ARIH2: variants seen among roughly 807,000 people sequenced by gnomAD.
ARIH2 encodes E3 ubiquitin-protein ligase ARIH2.
In ARIH2, 12 loss-of-function variants were observed where a neutral mutation model predicts 79.8. The ratio of observed to expected loss-of-function variants is 0.15; its 90% confidence interval spans 0.10 to 0.24. The LOEUF (loss-of-function observed/expected upper bound fraction) is 0.24, where lower values mean the gene tolerates loss of function less well. Ranked by LOEUF, ARIH2 falls within the 10% of genes least tolerant of loss-of-function variation. The probability of loss-of-function intolerance (pLI) is 1.00; values close to 1 mark genes in which losing one functional copy is unlikely to be tolerated. For synonymous variants in ARIH2, 224 were observed against 213.9 expected, an observed-to-expected ratio of 1.05 and a Z score of -0.41; for missense variants, 301 against 618.3, an observed-to-expected ratio of 0.49 and a Z score of 5.44.
chr3:48,922,709 C>G (rs1259985132), intron 1 of ARIH2, 39 bp from the exon 2 acceptor site: 2 of 151,882 alleles, frequency 1.3e-5, no homozygotes, highest in Non-Finnish European at 2.9e-5. Context: ...AAGCAGTATA[C>G]CAGCTTTAAA....
chr3:48,927,526 C>T lies in ARIH2; in HGVS notation c.-33C>T. 1 of 1,603,736 alleles carries T rather than the reference C, an allele frequency of 6.2e-7. No homozygotes were observed. Among genetic ancestry groups the T allele is most frequent in the Non-Finnish European group, 8.5e-7 (1 of 1,175,456 alleles). Reference sequence around the variant, plus strand: ...TGGGGGGAGGGGGAAAAAGCAACTGCTTTCCTGATCTGCAACTTGGCTGGA... The same window carrying T: ...TGGGGGGAGGGGGAAAAAGCAACTGTTTTCCTGATCTGCAACTTGGCTGGA... On this transcript the variant is annotated 5_prime_UTR_variant, in exon 3 of 16. Transcript: ENST00000356401.
In ARIH2 at chr3:48,935,165, G is replaced by A. The variant is rs139101337; in HGVS notation, c.255+7352G>A. 2.0e-5 allele frequency among the ~76,000 whole-genome samples: 3 copies of A among 152,082 alleles called. No individual in the cohort carries two copies. In the East Asian group the frequency reaches 5.8e-4, roughly 29 times the overall value. On this transcript the variant is annotated intron_variant, in intron 3 of 15. Transcript: ENST00000356401. Reference sequence around the variant, plus strand: ...TCAGTATTTCATTCAACCAATATTGGGTATTTATTGAGAACCTACTACGCC... The same window carrying A: ...TCAGTATTTCATTCAACCAATATTGAGTATTTATTGAGAACCTACTACGCC...
intron 7 of ARIH2, among the ~76,000 whole-genome samples, chr3:48,970,202 T>C (rs1241400022): frequency 2.0e-5 from 3 of 152,154 alleles, no homozygotes; most frequent in Admixed American, 1.3e-4. Flanking sequence ...TTGTTATTTT[T>C]TATTTTTTTC....
chr3:48,967,279 A>G lies in ARIH2; in HGVS notation c.538+4A>G. 1 of 1,613,028 alleles carries G rather than the reference A, an allele frequency of 6.2e-7. No homozygotes were observed. Among genetic ancestry groups the G allele is most frequent in the Non-Finnish European group, 8.5e-7 (1 of 1,179,412 alleles). ...GTCAAGGACGGCGTGGGCGTGGGTGAGTCTGCCACAAAACTTATAAAAAGC... is the reference window on the plus strand; with the variant it reads ...GTCAAGGACGGCGTGGGCGTGGGTGGGTCTGCCACAAAACTTATAAAAAGC... On this transcript the variant is annotated splice_donor_region_variant and intron_variant, in intron 6 of 15. Coordinates refer to ENST00000356401, the MANE Select transcript of ARIH2 (RefSeq NM_006321.4).
At chr3:48,932,662 G>A (rs759904757) in intron 3 of ARIH2, among the ~76,000 whole-genome samples, 2 of 152,184 alleles carry the variant, frequency 1.3e-5, no homozygotes, top group Non-Finnish European at 2.9e-5. Context: ...TCATGACTGT[G>A]GAGCTGGCTT....
intron 3 of ARIH2, among the ~76,000 whole-genome samples, chr3:48,944,800 C>T: frequency 6.6e-6 from 1 of 152,142 alleles, no homozygotes; most frequent in East Asian, 1.9e-4. Context: ...CTTCTTTCTT[C>T]CTCTTGTCCC....
At chr3:48,919,559 C>G (rs1211610694) in intron 1 of ARIH2, among the ~76,000 whole-genome samples, 1 of 152,226 alleles carries the variant, frequency 6.6e-6, no homozygotes, top group East Asian at 1.9e-4. Context: ...ATAGAACTTT[C>G]TGTCATAGCG....
chr3:48,919,117 G>A (rs781595161), intron 1 of ARIH2, 119 bp downstream of exon 1: 1 of 1,285,588 alleles, frequency 7.8e-7, no homozygotes, highest in Admixed American at 3.8e-5. Context: ...GGAGGCCCGG[G>A]CGCTCCCCGT....
rs202008851 is a variant in ARIH2 at position 48,954,644 on chromosome 3, A to AG, written c.256-6965dup. Among the ~76,000 whole-genome samples the AG allele has an allele frequency of 5.7e-3, 870 of 152,210 alleles. 3 individuals carry two copies. The highest frequency in any genetic ancestry group is 8.5e-3 in the Non-Finnish European group (581 of 68,010). ...ACTGTCAAAGAGATTCCACCATCTTAGGGTTTGCTCTTTAAACAGGGATGA... is the reference window on the plus strand; with the variant it reads ...ACTGTCAAAGAGATTCCACCATCTTAGGGGTTTGCTCTTTAAACAGGGATGA... On this transcript the variant is annotated intron_variant, in intron 3 of 15. Coordinates refer to ENST00000356401, the MANE Select transcript of ARIH2 (RefSeq NM_006321.4).
At chr3:48,940,129 C>G (rs1341590589) in intron 3 of ARIH2, among the ~76,000 whole-genome samples, 3 of 152,218 alleles carry the variant, frequency 2.0e-5, no homozygotes, top group African/African-American at 4.8e-5. Flanking sequence ...TGGCGTGAAC[C>G]CGGGAGGCGG....
intron 5 of ARIH2, among the ~76,000 whole-genome samples, chr3:48,966,523 C>T (rs561325941): frequency 1.3e-5 from 2 of 152,228 alleles, no homozygotes; most frequent in South Asian, 2.1e-4. Flanking sequence ...ACATCCCCCC[C>T]GCCAATATTA....
intron 7 of ARIH2, among the ~76,000 whole-genome samples, chr3:48,969,273 T>C (rs1210750670): frequency 6.6e-6 from 1 of 151,732 alleles, no homozygotes; most frequent in East Asian, 1.9e-4. Flanking sequence ...AGCTATTGTG[T>C]GTCAGCAGGT....
intron 1 of ARIH2, among the ~76,000 whole-genome samples, chr3:48,922,189 A>G (rs1172581452): frequency 6.6e-6 from 1 of 152,022 alleles, no homozygotes; most frequent in Non-Finnish European, 1.5e-5. Context: ...GCAACACTGC[A>G]CTCCAACCTG....
chr3:48,947,286 A>C (rs1182262652), intron 3 of ARIH2, among the ~76,000 whole-genome samples: 2 of 152,168 alleles, frequency 1.3e-5, no homozygotes, highest in Non-Finnish European at 2.9e-5. Flanking sequence ...TACTAAAAAT[A>C]CAAAATTAGC....
intron 10 of ARIH2, 33 bp downstream of exon 10, chr3:48,974,900 A>AC: frequency 6.2e-7 from 1 of 1,614,192 alleles, no homozygotes; most frequent in African/African-American, 1.3e-5. Context: ...TGCATGTGTG[A>AC]CATGGAAGCT....
At chr3:48,933,931 C>T (rs553162452) in intron 3 of ARIH2, among the ~76,000 whole-genome samples, 21 of 152,138 alleles carry the variant, frequency 1.4e-4, no homozygotes, top group Non-Finnish European at 2.6e-4. Context: ...TACTACATTT[C>T]TTCTTGCTTT....
chr3:48,970,819 C>A, intron 8 of ARIH2, 115 bp downstream of exon 8: 1 of 735,018 alleles, frequency 1.4e-6, no homozygotes. Context: ...TCTGAGCCAA[C>A]AGAACAGCTG....
intron 1 of ARIH2, among the ~76,000 whole-genome samples, chr3:48,921,320 C>G (rs2084773833): frequency 7.7e-6 from 1 of 129,152 alleles, no homozygotes; most frequent in Admixed American, 8.7e-5. Context: ...TCATTTAAAT[C>G]TGCACCTAGA....
In ARIH2 at chr3:48,985,621, G is replaced by GC. The variant is rs1200308148; in HGVS notation, c.*2353dup. 1.3e-5 allele frequency: 2 copies of GC among 152,180 alleles called. No individual in the cohort carries two copies. Among genetic ancestry groups the GC allele is most frequent in the Admixed American group, 6.6e-5 (1 of 15,266 alleles). 9.4% of individuals were successfully genotyped at this position (152,180 alleles called of 1,614,324 possible). A position where few individuals can be genotyped will look rare whatever the true frequency, so the allele number is the denominator to read the frequency against. ...TCTGGCCAGTGAACACCAGAGGAGT[G>GC]CCTTCCTATCAGTCAGCCCCTTCTT... On this transcript the variant is annotated 3_prime_UTR_variant, in exon 16 of 16. Coordinates refer to ENST00000356401, the MANE Select transcript of ARIH2 (RefSeq NM_006321.4).
Sources: allele counts gnomAD v4.1 joint callset (sites outside exome capture counted in the v4.1 genomes callset), GRCh38; gene constraint gnomAD v4.1.1; transcripts MANE v1.5; gene names NCBI Gene and HGNC (gene_info 2026-07-23, HGNC 2026-07-21).